The following MME variants were observed in gnomAD, a reference collection of about 807,000 sequenced individuals.
MME encodes the protein membrane metalloendopeptidase, also known as neprilysin.
In MME, 98 loss-of-function variants were observed where a neutral mutation model predicts 113.2. The ratio of observed to expected loss-of-function variants is 0.87; its 90% CI spans 0.74 to 1.02. The LOEUF is 1.02. Ranked by LOEUF, MME falls within the 50% of genes least tolerant of loss-of-function variation. The probability of loss-of-function intolerance (pLI) is 0.00; values close to 1 mark genes in which losing one functional copy is unlikely to be tolerated. For missense variants in MME, 836 were observed against 896.0 expected, an observed-to-expected ratio of 0.93 and a Z score of 0.86; for synonymous variants, 292 against 300.6, an observed-to-expected ratio of 0.97 and a Z score of 0.30.
intron 18 of MME, among the ~76,000 whole-genome samples, chr3:155,167,429 G>A (rs1236480262): frequency 6.6e-6 from 1 of 151,250 alleles, no homozygotes. Context: ...AGACTCTTAA[G>A]CTGCTTAAGA....
At chr3:155,093,870 A>G (rs1431615367) in intron 3 of MME, among the ~76,000 whole-genome samples, 1 of 149,272 alleles carries the variant, frequency 6.7e-6, no homozygotes, top group Non-Finnish European at 1.5e-5. Flanking sequence ...AAAAAAAAAA[A>G]GATTGAAAAA....
At chr3:155,142,648 A>G (rs1721202576) in intron 12 of MME, among the ~76,000 whole-genome samples, 1 of 152,138 alleles carries the variant, frequency 6.6e-6, no homozygotes, top group African/African-American at 2.4e-5. Context: ...TTTCGGGGTT[A>G]TCTATTTTAA....
intron 10 of MME, among the ~76,000 whole-genome samples, chr3:155,140,621 T>A (rs996344602): frequency 6.6e-6 from 1 of 152,006 alleles, no homozygotes; most frequent in African/African-American, 2.4e-5. Flanking sequence ...TTGGCCAATC[T>A]GGTCTCGAAC....
At chr3:155,173,333 T>TA (rs11391196) in intron 22 of MME, among the ~76,000 whole-genome samples, 64,957 of 147,202 alleles carry the variant, frequency 0.44, 15,166 homozygotes, top group African/African-American at 0.63. Flanking sequence ...GCAAGAAAGT[T>TA]AAAAAAAAAA....
At chr3:155,105,091 G>C (rs1008910228) in intron 3 of MME, among the ~76,000 whole-genome samples, 4 of 152,066 alleles carry the variant, frequency 2.6e-5, no homozygotes, top group African/African-American at 9.7e-5. Context: ...TCCTCCCTTG[G>C]CTGTGAGCCA....
chr3:155,093,854 TAA>T (rs200029597), intron 3 of MME, among the ~76,000 whole-genome samples: 66 of 113,132 alleles, frequency 5.8e-4, no homozygotes, highest in South Asian at 7.8e-4. Flanking sequence ...AGACTCTGTC[TAA>T]AAAAAAAAAA....
chr3:155,042,694 T>C (rs1421210913), intron 1 of MME, among the ~76,000 whole-genome samples: 1 of 151,896 alleles, frequency 6.6e-6, no homozygotes, highest in East Asian at 1.9e-4. Context: ...TTTTGAATTG[T>C]GTTAATCTGA....
Position 155,172,063 on chromosome 3 carries a change from A to C in MME, c.1981-54A>C, listed in dbSNP as rs891965332. On this transcript the variant is annotated intron_variant, in intron 20 of 22. Transcript: ENST00000360490. ...GTGGCATGATCTTTTACATAGGTTT[A>C]TATATAACCTTAGGAATTAATATTA... The C allele has an allele frequency of 2.9e-6, 3 of 1,036,996 alleles. No individual in the cohort carries two copies. In the African/African-American group the frequency reaches 4.8e-5, roughly 17 times the overall value. The allele number at this position is 1,036,996 out of a possible 1,614,324, so 64.2% of individuals were successfully genotyped here. A position where few individuals can be genotyped will look rare whatever the true frequency, so the allele number is the denominator to read the frequency against.
intron 1 of MME, among the ~76,000 whole-genome samples, chr3:155,055,090 G>T (rs1447438536): frequency 6.6e-6 from 1 of 152,056 alleles, no homozygotes; most frequent in African/African-American, 2.4e-5. Flanking sequence ...CAACAGAGGG[G>T]TATTTATGTG....
chr3:155,089,978 AAC>A, intron 3 of MME: 1 of 335,362 alleles, frequency 3.0e-6, no homozygotes, highest in Middle Eastern at 9.1e-4. Flanking sequence ...AGAAAAAGAC[AAC>A]AGAGAATTGA....
chr3:155,147,229 G>C lies in MME; in HGVS notation c.1497+5G>C, dbSNP rs1721587504. 6.4e-7 allele frequency: 1 copy of C among 1,562,244 alleles called. No individual in the cohort carries two copies. The highest frequency in any genetic ancestry group is 2.2e-5 in the East Asian group (1 of 44,546). Reference sequence around the variant, plus strand: ...CTGAATAATGAGTACCTCGAGGTAAGTCTCTATAAAATAGACTCTGGACTA... The same window carrying C: ...CTGAATAATGAGTACCTCGAGGTAACTCTCTATAAAATAGACTCTGGACTA... On this transcript the variant is annotated splice_donor_5th_base_variant and intron_variant, in intron 15 of 22. Coordinates refer to ENST00000360490, the MANE Select transcript of MME (RefSeq NM_007289.4).
At chr3:155,074,963 T>C (rs1714698111), upstream of MME, among the ~76,000 whole-genome samples, 1 of 152,086 alleles carries the variant, frequency 6.6e-6, no homozygotes, top group Non-Finnish European at 1.5e-5. Context: ...TTCTATATAT[T>C]TCTATTGGAT....
At chr3:155,178,395 G>T (rs1712768179) in intron 22 of MME, among the ~76,000 whole-genome samples, 1 of 152,076 alleles carries the variant, frequency 6.6e-6, no homozygotes, top group African/African-American at 2.4e-5. Flanking sequence ...TCTGGAATGA[G>T]GAAAGGGAAA....
rs1714267524 is a variant in MME, at chr3:155,063,664, TATTA to T, written c.-10-20493_-10-20490del. Among the ~76,000 whole-genome samples the T allele has an allele frequency of 9.8e-5, 11 of 112,818 alleles. No homozygotes were observed. The South Asian group carries it at 1.0e-3, about 11-fold the overall frequency. The allele number at this position is 112,818 out of a possible 152,430, so 74.0% of individuals were successfully genotyped here. ...ATATATTATATTTGATTATATAACA[TATTA>T]TATATTATATTATATTATATTATAT... On this transcript the variant is annotated intron_variant, in intron 1 of 22. Coordinates refer to the MME transcript ENST00000492661.
At chr3:155,093,853 CT>C (rs1196170764) in intron 3 of MME, among the ~76,000 whole-genome samples, 27 of 113,030 alleles carry the variant, frequency 2.4e-4, no homozygotes, top group African/African-American at 7.8e-4. Context: ...GAGACTCTGT[CT>C]AAAAAAAAAA....
intron 1 of MME, among the ~76,000 whole-genome samples, chr3:155,051,409 A>C (rs963630789): frequency 6.6e-6 from 1 of 152,212 alleles, no homozygotes; most frequent in Non-Finnish European, 1.5e-5. Flanking sequence ...CTGTAAAGAC[A>C]TACCTGAAAC....
intron 1 of MME, among the ~76,000 whole-genome samples, chr3:155,082,611 T>G (rs762291298): frequency 5.9e-5 from 9 of 152,184 alleles, no homozygotes; most frequent in Non-Finnish European, 1.2e-4. Flanking sequence ...TCAGGTACAT[T>G]ACATTCCACT....
chr3:155,101,838 A>T (rs998901980), intron 3 of MME, among the ~76,000 whole-genome samples: 1 of 152,152 alleles, frequency 6.6e-6, no homozygotes, highest in Admixed American at 6.5e-5. Context: ...TCACTGGGCT[A>T]GTCAAACCAC....
At chr3:155,078,254 G>A (rs533143650), upstream of MME, among the ~76,000 whole-genome samples, 5 of 152,174 alleles carry the variant, frequency 3.3e-5, no homozygotes, top group East Asian at 9.7e-4. Context: ...TGCTTTCCAG[G>A]GCGCTAGTCA....
Sources: allele counts gnomAD v4.1 joint callset (sites outside exome capture counted in the v4.1 genomes callset), GRCh38; gene constraint gnomAD v4.1.1; transcripts MANE v1.5; gene names NCBI Gene and HGNC (gene_info 2026-07-23, HGNC 2026-07-21).